Variants in ITGA9 observed in about 807,000 individuals in gnomAD.
ITGA9 encodes integrin subunit alpha 9, also known as integrin alpha-9.
ITGA9 carries 56 observed loss-of-function variants against 127.8 expected under a neutral mutation model. That is an observed-to-expected ratio of 0.44 (90% CI 0.35 to 0.55). The LOEUF is 0.55. Ranked by LOEUF, ITGA9 falls within the 20% of genes least tolerant of loss-of-function variation. ITGA9 has a pLI of 0.00. For missense variants in ITGA9, 1,196 were observed against 1,347.1 expected, an observed-to-expected ratio of 0.89 and a Z score of 1.76; for synonymous variants, 508 against 514.5, an observed-to-expected ratio of 0.99 and a Z score of 0.17.
intron 15 of ITGA9, among the ~76,000 whole-genome samples, chr3:37,627,145 A>G (rs994507060): frequency 9.9e-5 from 15 of 152,176 alleles, no homozygotes; most frequent in African/African-American, 3.1e-4. Flanking sequence ...AGGCTCCCCT[A>G]TCACTCTCTT....
chr3:37,517,004 G>T (rs1378165343), intron 9 of ITGA9, among the ~76,000 whole-genome samples: 1 of 152,168 alleles, frequency 6.6e-6, no homozygotes, highest in Non-Finnish European at 1.5e-5. Flanking sequence ...ACGACTGGGT[G>T]CTTGGATTTT....
intron 23 of ITGA9, among the ~76,000 whole-genome samples, chr3:37,751,295 A>C (rs748934277): frequency 2.0e-5 from 3 of 152,158 alleles, no homozygotes; most frequent in Non-Finnish European, 2.9e-5. Context: ...CTGACCCAGC[A>C]GAAGAAAGCC....
At chr3:37,575,151 C>T (rs144699096) in intron 15 of ITGA9, among the ~76,000 whole-genome samples, 8 of 152,188 alleles carry the variant, frequency 5.3e-5, no homozygotes, top group East Asian at 3.9e-4. Context: ...CCAAGGTACC[C>T]GTGCCCTGTG....
chr3:37,460,488 T>G (rs1179530142), intron 1 of ITGA9, among the ~76,000 whole-genome samples: 1 of 152,152 alleles, frequency 6.6e-6, no homozygotes, highest in Non-Finnish European at 1.5e-5. Context: ...CTTCAGGTGA[T>G]GGATACCCCA....
At chr3:37,747,869 G>C (rs1054321649) in intron 22 of ITGA9, among the ~76,000 whole-genome samples, 8 of 152,090 alleles carry the variant, frequency 5.3e-5, no homozygotes, top group African/African-American at 1.7e-4. Context: ...GCTGGGACTA[G>C]AGTTACACAC....
At chr3:37,558,358 A>G (rs1699451242) in intron 15 of ITGA9, among the ~76,000 whole-genome samples, 1 of 152,118 alleles carries the variant, frequency 6.6e-6, no homozygotes, top group African/African-American at 2.4e-5. Context: ...GGAAACAAAG[A>G]TTAAAAAGAC....
rs201524608 is a variant in ITGA9, at chr3:37,503,158, G to T, written c.613-20G>T. ...CTCCTCACTTCCTTCTCTGCTTACC[G>T]TTGGATTTCTTTTTGGTAGGAGCTG... is the stretch of plus-strand genomic sequence containing the variant. On this transcript the variant is annotated intron_variant, in intron 5 of 27. Transcript: ENST00000264741. 5.0e-6 allele frequency: 8 copies of T among 1,613,260 alleles called. No individual in the cohort carries two copies. The East Asian group carries it at 1.3e-4, about 27-fold the overall frequency.
At chr3:37,744,300 G>A (rs1696474220) in intron 22 of ITGA9, among the ~76,000 whole-genome samples, 1 of 152,192 alleles carries the variant, frequency 6.6e-6, no homozygotes, top group South Asian at 2.1e-4. Flanking sequence ...CCCTCTGTGT[G>A]GTGGAGGCCT....
At chr3:37,695,260 C>T (rs1289645154) in intron 18 of ITGA9, among the ~76,000 whole-genome samples, 2 of 152,194 alleles carry the variant, frequency 1.3e-5, no homozygotes, top group Non-Finnish European at 2.9e-5. Context: ...AGAAGACCCA[C>T]GGTTCTGGCT....
At chr3:37,560,205 G>C (rs1699472969) in intron 15 of ITGA9, among the ~76,000 whole-genome samples, 1 of 151,842 alleles carries the variant, frequency 6.6e-6, no homozygotes, top group Non-Finnish European at 1.5e-5. Context: ...TGTAGTGTTT[G>C]GTTTTCTGTC....
intron 4 of ITGA9, among the ~76,000 whole-genome samples, chr3:37,489,450 A>G (rs991793579): frequency 2.0e-5 from 3 of 152,228 alleles, no homozygotes; most frequent in African/African-American, 7.2e-5. Flanking sequence ...GTTATTAGGC[A>G]TTCCCTAAAG....
chr3:37,627,371 C>T (rs927551236), intron 15 of ITGA9, among the ~76,000 whole-genome samples: 2 of 152,120 alleles, frequency 1.3e-5, no homozygotes, highest in Non-Finnish European at 2.9e-5. Context: ...TCATCATGGC[C>T]GTCTCCTCTC....
intron 15 of ITGA9, among the ~76,000 whole-genome samples, chr3:37,628,340 G>A (rs1032066043): frequency 2.6e-5 from 4 of 152,182 alleles, no homozygotes; most frequent in African/African-American, 9.7e-5. Flanking sequence ...ACTCTAACTT[G>A]TGAGATTGTG....
At chr3:37,507,339 G>T (rs888501277) in intron 7 of ITGA9, among the ~76,000 whole-genome samples, 3 of 152,200 alleles carry the variant, frequency 2.0e-5, no homozygotes. Context: ...TGTAGAAATG[G>T]TAAAAATGCC....
chr3:37,556,111 C>T (rs760429076), intron 15 of ITGA9, among the ~76,000 whole-genome samples: 1 of 152,226 alleles, frequency 6.6e-6, no homozygotes, highest in Non-Finnish European at 1.5e-5. Flanking sequence ...AACTGAAGCA[C>T]TCTTCCTGCT....
chr3:37,639,086 C>T (rs896712960), intron 16 of ITGA9, among the ~76,000 whole-genome samples: 2 of 152,166 alleles, frequency 1.3e-5, no homozygotes, highest in Middle Eastern at 3.4e-3. Context: ...TACAAGCCTC[C>T]GTACATACAG....
At chr3:37,611,407 G>A (rs149606204) in intron 15 of ITGA9, among the ~76,000 whole-genome samples, 15 of 152,302 alleles carry the variant, frequency 9.8e-5, no homozygotes, top group African/African-American at 3.6e-4. Flanking sequence ...GACAGAGAGA[G>A]AATGTCCCTT....
At chr3:37,767,036 G>T (rs1696787592) in intron 23 of ITGA9, among the ~76,000 whole-genome samples, 6 of 152,242 alleles carry the variant, frequency 3.9e-5, no homozygotes, top group Admixed American at 3.3e-4. Flanking sequence ...TTACAGGGCA[G>T]CCTGGTGGTG....
intron 17 of ITGA9, among the ~76,000 whole-genome samples, chr3:37,663,945 ACACT>A (rs1700561217): frequency 6.6e-6 from 1 of 152,258 alleles, no homozygotes; most frequent in Admixed American, 6.5e-5. Flanking sequence ...ATATAAGGAA[ACACT>A]CAGTAGTGAA....
Sources: gnomAD v4.1 joint callset for allele counts (sites outside exome capture counted in the v4.1 genomes callset) on GRCh38, gnomAD v4.1.1 for gene constraint, MANE v1.5 for transcripts, NCBI Gene and HGNC (gene_info 2026-07-23, HGNC 2026-07-21) for gene names.